Variants in MICALL2 observed in about 807,000 individuals in gnomAD.
MICALL2 encodes the protein MICAL-like protein 2.
MICALL2 carries 111 observed loss-of-function variants against 91.1 expected under a neutral mutation model. The ratio of observed to expected loss-of-function variants is 1.22; its 90% CI spans 1.04 to 1.43. The LOEUF is 1.43. MICALL2 is among the 40% of genes most tolerant of loss of function. The pLI, the probability that MICALL2 is intolerant of heterozygous loss-of-function variation, is 0.00. For missense variants in MICALL2, 1,556 were observed against 1,236.0 expected (o/e 1.26, Z -3.88); for synonymous variants, 694 against 525.3 (o/e 1.32, Z -4.39).
intron 5 of MICALL2, 198 bp downstream of exon 5, chr7:1,446,515 G>A: frequency 3.8e-6 from 2 of 529,398 alleles, no homozygotes; most frequent in Non-Finnish European, 6.7e-6. Flanking sequence ...GTGAAAGGGA[G>A]AAGAGGGAGA....
chr7:1,451,031 G>C lies in MICALL2; in HGVS notation c.144-743C>G, dbSNP rs4720783. Reference sequence around the variant, plus strand: ...CTGCCAAGCCCACTGAGGTTACATGGTTCTCTCTTTGGGTGGTGGAGTGCC... The same window carrying C: ...CTGCCAAGCCCACTGAGGTTACATGCTTCTCTCTTTGGGTGGTGGAGTGCC... On this transcript the variant is annotated intron_variant, in intron 1 of 16. Coordinates refer to ENST00000297508, the MANE Select transcript of MICALL2 (RefSeq NM_182924.4). This position sits in a 1 kb window ranked among gnomAD's most constrained non-coding sequence, Gnocchi z 4.5. Among the ~76,000 whole-genome samples, 24,367 of 152,134 alleles carry C rather than the reference G, an allele frequency of 0.16. 2,797 individuals carry two copies. Among genetic ancestry groups the C allele is most frequent in the African/African-American group, 0.32 (13,221 of 41,464 alleles).
At chr7:1,456,266 G>A (rs1159339694) in intron 1 of MICALL2, among the ~76,000 whole-genome samples, 2 of 147,314 alleles carry the variant, frequency 1.4e-5, no homozygotes, top group South Asian at 4.2e-4. Flanking sequence ...ATTTAAAAAA[G>A]AAACAATATG....
rs536503611 is a variant in MICALL2 at position 1,452,267 on chromosome 7, G to C, written c.144-1979C>G. Among the ~76,000 whole-genome samples the C allele has an allele frequency of 6.6e-6, 1 of 152,190 alleles. No individual in the cohort carries two copies. The highest frequency in any genetic ancestry group is 1.5e-5 in the Non-Finnish European group (1 of 68,022). On this transcript the variant is annotated intron_variant, in intron 1 of 16. Transcript: ENST00000297508. The surrounding 1 kb of genome is among the most constrained non-coding windows in gnomAD (Gnocchi z 6.2). ...CTCAGTGGCAGCGAAAGCGGTTTCC[G>C]TCTGCTCGGGCCTGGGCCGATGCCT...
chr7:1,435,945 G>A (rs1779946599), intron 15 of MICALL2, among the ~76,000 whole-genome samples: 2 of 151,712 alleles, frequency 1.3e-5, no homozygotes, highest in African/African-American at 2.4e-5. Flanking sequence ...CCAGCTACTT[G>A]GGAAGCTGAG....
At chr7:1,444,583 G>C in intron 6 of MICALL2, 69 bp downstream of exon 6, 1 of 1,473,852 alleles carries the variant, frequency 6.8e-7, no homozygotes, top group Non-Finnish European at 9.1e-7. Flanking sequence ...CAACCCCTCT[G>C]GCCTCCGGGG....
chr7:1,437,986 G>A lies in MICALL2; in HGVS notation c.2312-6C>T. On this transcript the variant is annotated splice_polypyrimidine_tract_variant and splice_region_variant and intron_variant, in intron 12 of 16. Transcript: ENST00000297508. ...GAGGCTATCCTCAGCGTCATCTGGG[G>A]AGAGGAGCCAGCTGGGGCAGGGGGG... 1.3e-6 allele frequency: 2 copies of A among 1,550,924 alleles called. No homozygotes were observed. Among genetic ancestry groups the A allele is most frequent in the Non-Finnish European group, 1.7e-6 (2 of 1,147,692 alleles).
rs1463711472 is a variant in MICALL2 at position 1,452,787 on chromosome 7, C to T, written c.144-2499G>A. Among the ~76,000 whole-genome samples, 5 of 152,154 alleles carry T rather than the reference C, an allele frequency of 3.3e-5. No homozygotes were observed. The highest frequency in any genetic ancestry group is 7.3e-5 in the Non-Finnish European group (5 of 68,028). On this transcript the variant is annotated intron_variant, in intron 1 of 16. Coordinates refer to ENST00000297508, the MANE Select transcript of MICALL2 (RefSeq NM_182924.4). This position sits in a 1 kb window ranked among gnomAD's most constrained non-coding sequence, Gnocchi z 6.2. Reference sequence around the variant, plus strand: ...GTCTGGGCTGCGAGTTCAAGCATCGCGGCCTCAGGATGAGGTTCAAGCTGC... The same window carrying T: ...GTCTGGGCTGCGAGTTCAAGCATCGTGGCCTCAGGATGAGGTTCAAGCTGC...
intron 1 of MICALL2, among the ~76,000 whole-genome samples, chr7:1,454,898 CCA>C (rs1318190599): frequency 6.6e-6 from 1 of 152,198 alleles, no homozygotes; most frequent in Non-Finnish European, 1.5e-5. Context: ...CCAGCCACCC[CCA>C]CTTCCTGGCC....
chr7:1,451,624 A>C lies in MICALL2; in HGVS notation c.144-1336T>G, dbSNP rs116763489. ...TTCTAGAAGCTTCCTGGCCCCACAG[A>C]GGGAGCTGGGGCTGCAAGCCGTGTC... On this transcript the variant is annotated intron_variant, in intron 1 of 16. Transcript: ENST00000297508. The surrounding 1 kb of genome is among the most constrained non-coding windows in gnomAD (Gnocchi z 4.5). Among the ~76,000 whole-genome samples the C allele has an allele frequency of 0.046, 6,951 of 152,190 alleles. 541 individuals carry two copies. The highest frequency in any genetic ancestry group is 0.16 in the African/African-American group (6,533 of 41,524).
chr7:1,440,202 A>T, intron 8 of MICALL2, 117 bp from the exon 9 acceptor site: 1 of 1,263,178 alleles, frequency 7.9e-7, no homozygotes, highest in Non-Finnish European at 1.1e-6. Flanking sequence ...CTTCTGAGCA[A>T]ATGCCACCTC....
At position 1,454,096 on chromosome 7, in the gene MICALL2, AC is replaced by A. The variant is rs150868958; in HGVS notation, c.144-3809del. ...CCTCTGGGGGCTCTTGGGAATGTAT[AC>A]CCCCCTCCAAATTCCTGGGTGGCCG... On this transcript the variant is annotated intron_variant, in intron 1 of 16. Transcript: ENST00000297508. 8.6e-3 allele frequency among the ~76,000 whole-genome samples: 1,094 copies of A among 127,424 alleles called. 10 individuals are homozygous for A. Among genetic ancestry groups the A allele is most frequent in the African/African-American group, 0.03 (1,040 of 34,332 alleles). 83.6% of individuals were successfully genotyped at this position (127,424 alleles called of 152,430 possible).
chr7:1,437,905 G>A lies in MICALL2; in HGVS notation c.2387C>T (p.Ser796Leu). 6 of 1,549,118 alleles carry A rather than the reference G, an allele frequency of 3.9e-6. No individual in the cohort carries two copies. Among genetic ancestry groups the A allele is most frequent in the Non-Finnish European group, 5.2e-6 (6 of 1,146,818 alleles). Residue 796 changes from serine (S) to leucine (L), a missense_variant, in exon 13 of 17, where the codon TCA (serine) becomes TTA (leucine). Ser to Leu is a moderately radical substitution (Grantham distance 145). Coordinates refer to ENST00000297508, the MANE Select transcript of MICALL2 (RefSeq NM_182924.4). ...GGGCTCTCACTTGTACATCAGCTCTGACTCCTGTCTCAGCAGAAGCTGCTT... is the reference window on the plus strand; with the variant it reads ...GGGCTCTCACTTGTACATCAGCTCTAACTCCTGTCTCAGCAGAAGCTGCTT... Reference protein sequence around the residue: ...HEKQLLLRQESELMYKSKAQR... With the variant: ...HEKQLLLRQELELMYKSKAQR...
At chr7:1,457,099 G>C (rs917329859) in intron 1 of MICALL2, among the ~76,000 whole-genome samples, 3 of 152,152 alleles carry the variant, frequency 2.0e-5, no homozygotes, top group African/African-American at 7.2e-5. Context: ...CCCTTGGCTT[G>C]TGGCTGCACC....
chr7:1,436,323 A>G (rs1465710375), intron 15 of MICALL2, among the ~76,000 whole-genome samples: 1 of 151,812 alleles, frequency 6.6e-6, no homozygotes, highest in Non-Finnish European at 1.5e-5. Context: ...CGGAGGTTGC[A>G]GTGAGCCAAG....
Position 1,444,777 on chromosome 7 carries a change from G to T in MICALL2, c.1293C>A (p.Ser431Arg). Residue 431 changes from serine to arginine, a missense_variant, in exon 6 of 17, where the codon AGC (serine) becomes AGA (arginine). By Grantham distance (110) the Ser-to-Arg change is moderately radical. Transcript: ENST00000297508. ...ACGGGGTGGGACCTCTGCCAGAAAG[G>T]CTGGTGCCGGGGGGCACTGCTGATG... The part of the protein sequence containing the change: ...FQTSAVPPGT[S>R]LSGRGPTPSL... 9 of 1,612,008 alleles carry T rather than the reference G, an allele frequency of 5.6e-6. No individual in the cohort carries two copies. The highest frequency in any genetic ancestry group is 7.6e-6 in the Non-Finnish European group (9 of 1,179,652).
Position 1,447,668 on chromosome 7 carries a change from G to T in MICALL2, c.432C>A (p.Pro144=). The part of the protein sequence containing the change: ...APVQAAKLPS[P]APARKPPLSP... ...ATAGTGGAGGCTTCCGGGCTGGGGC[G>T]GGCGAGGGCAGCTTGGCCGCCTGGA... is the stretch of plus-strand genomic sequence containing the variant. The change falls in exon 4 of 17, where the codon CCC becomes CCA. Residue 144 remains proline (P), a synonymous_variant. Coordinates refer to ENST00000297508, the MANE Select transcript of MICALL2 (RefSeq NM_182924.4). 1 of 1,587,638 alleles carries T rather than the reference G, an allele frequency of 6.3e-7. No homozygotes were observed. The highest frequency in any genetic ancestry group is 2.3e-5 in the East Asian group (1 of 43,756).
Position 1,438,276 on chromosome 7 carries a change from C to T in MICALL2, c.2187+13G>A, listed in dbSNP as rs1780083258. On this transcript the variant is annotated intron_variant, in intron 11 of 16. Transcript: ENST00000297508. ...AGGGCTGGGCCCCTGCCCGGCTCCCCACCACTACTCACCCTGACTGGGGAG... is the reference window on the plus strand; with the variant it reads ...AGGGCTGGGCCCCTGCCCGGCTCCCTACCACTACTCACCCTGACTGGGGAG... The T allele has an allele frequency of 6.3e-7, 1 of 1,592,742 alleles. No individual in the cohort carries two copies. Among genetic ancestry groups the T allele is most frequent in the Non-Finnish European group, 8.5e-7 (1 of 1,170,106 alleles).
At chr7:1,446,931 C>G (rs1488284055) in intron 4 of MICALL2, 103 bp from the exon 5 acceptor site, 2 of 850,820 alleles carry the variant, frequency 2.4e-6, no homozygotes, top group African/African-American at 3.5e-5. Context: ...AGATGGAGAA[C>G]TGGCCAGGAG....
chr7:1,449,829 C>A lies in MICALL2; in HGVS notation c.192+411G>T, dbSNP rs150297879. On this transcript the variant is annotated intron_variant, in intron 2 of 16. Coordinates refer to ENST00000297508, the MANE Select transcript of MICALL2 (RefSeq NM_182924.4). ...GGGGTGAGCAGGGCAGGACTGGAAT[C>A]CTGGCAGGGCCGGAAGGCAGGTCCC... Among the ~76,000 whole-genome samples, 642 of 152,366 alleles carry A rather than the reference C, an allele frequency of 4.2e-3. 5 individuals are homozygous for A. The highest frequency in any genetic ancestry group is 0.015 in the African/African-American group (604 of 41,590).
Sources: allele counts gnomAD v4.1 joint callset (sites outside exome capture counted in the v4.1 genomes callset), GRCh38; gene constraint gnomAD v4.1.1; non-coding constraint Gnocchi (gnomAD v3.1); transcripts MANE v1.5; gene names NCBI Gene and HGNC (gene_info 2026-07-23, HGNC 2026-07-21).